The following RABGAP1 variants were observed in gnomAD, a reference collection of about 807,000 sequenced individuals.
RABGAP1 encodes RAB GTPase activating protein 1.
RABGAP1 carries 23 observed loss-of-function variants against 137.6 expected under a neutral mutation model. That is an observed-to-expected ratio of 0.17 (90% CI 0.12 to 0.24). RABGAP1 has a LOEUF of 0.24. RABGAP1 is among the 10% of genes least tolerant of loss of function. The pLI, the probability that RABGAP1 is intolerant of heterozygous loss-of-function variation, is 1.00. For missense variants in RABGAP1, 906 were observed against 1,275.8 expected, an observed-to-expected ratio of 0.71 and a Z score of 4.42; for synonymous variants, 451 against 450.7, an observed-to-expected ratio of 1.00 and a Z score of -0.01.
intron 14 of RABGAP1, among the ~76,000 whole-genome samples, chr9:123,067,652 G>A (rs546236364): frequency 6.6e-6 from 1 of 152,262 alleles, no homozygotes; most frequent in South Asian, 2.1e-4. Context: ...TGTCTTCAAG[G>A]GCAGGGATCA....
intron 10 of RABGAP1, among the ~76,000 whole-genome samples, chr9:123,005,169 G>A (rs2030119897): frequency 6.6e-6 from 1 of 151,566 alleles, no homozygotes; most frequent in Non-Finnish European, 1.5e-5. Context: ...GTTTCAGTAA[G>A]ATTATAAAAT....
At chr9:123,098,175 C>T (rs1200476999) in intron 22 of RABGAP1, among the ~76,000 whole-genome samples, 2 of 152,234 alleles carry the variant, frequency 1.3e-5, no homozygotes, top group Admixed American at 6.5e-5. Context: ...CCTCTGCTGT[C>T]TCCCTCATAG....
intron 13 of RABGAP1, among the ~76,000 whole-genome samples, chr9:123,036,570 AGGGT>A (rs1206671181): frequency 6.6e-6 from 1 of 152,194 alleles, no homozygotes; most frequent in Non-Finnish European, 1.5e-5. Flanking sequence ...ATCAGGGAGA[AGGGT>A]GTCGGTCATA....
At chr9:123,048,797 C>T (rs571934445) in intron 13 of RABGAP1, among the ~76,000 whole-genome samples, 1 of 152,294 alleles carries the variant, frequency 6.6e-6, no homozygotes, top group South Asian at 2.1e-4. Flanking sequence ...GTATTTCCTG[C>T]TTCTTGGGCC....
chr9:123,010,549 A>T, intron 11 of RABGAP1, 21 bp downstream of exon 11: 1 of 1,599,176 alleles, frequency 6.3e-7, no homozygotes, highest in East Asian at 2.2e-5. Context: ...GGGATAGCTT[A>T]ATTTATTTTT....
intron 13 of RABGAP1, chr9:123,034,216 T>C: frequency 3.4e-6 from 1 of 290,190 alleles, no homozygotes; most frequent in Non-Finnish European, 6.3e-6. Flanking sequence ...GCTCCTAATC[T>C]TCTTCCCTTC....
At chr9:122,972,238 G>A (rs891618163) in intron 2 of RABGAP1, among the ~76,000 whole-genome samples, 2 of 152,070 alleles carry the variant, frequency 1.3e-5, no homozygotes, top group Non-Finnish European at 2.9e-5. Context: ...AGACCAGCCT[G>A]GGCAACAACA....
At chr9:123,031,647 G>C (rs1479521714) in intron 13 of RABGAP1, among the ~76,000 whole-genome samples, 3 of 152,202 alleles carry the variant, frequency 2.0e-5, no homozygotes, top group Non-Finnish European at 4.4e-5. Context: ...TGGTGACTCA[G>C]AACTAAGTGC....
rs762911118 is a variant in RABGAP1 at position 123,076,656 on chromosome 9, T to C, written c.2318T>C (p.Leu773Ser). 3 of 1,602,872 alleles carry C rather than the reference T, an allele frequency of 1.9e-6. No individual in the cohort carries two copies. The highest frequency in any genetic ancestry group is 1.7e-6 in the Non-Finnish European group (2 of 1,175,194). The change falls in exon 19 of 26, where the codon TTG becomes TCG. Residue 773 changes from leucine to serine, a missense_variant. Physicochemically the swap from Leu to Ser is moderately radical, Grantham distance 145 (BLOSUM62 -2). This residue lies in a region of RABGAP1 where 77 missense variants were observed against 105.6 expected (regional missense o/e 0.73). Coordinates refer to ENST00000373647, the MANE Select transcript of RABGAP1 (RefSeq NM_012197.4). ...AAGACTTCGAAAGATGACCTGCTGTTGACAGACTTTGAAGGTGCCTTGAAG... is the reference window on the plus strand; with the variant it reads ...AAGACTTCGAAAGATGACCTGCTGTCGACAGACTTTGAAGGTGCCTTGAAG... The part of the protein sequence containing the change: ...LLKTSKDDLL[L>S]TDFEGALKFF...
intron 13 of RABGAP1, among the ~76,000 whole-genome samples, chr9:123,024,987 C>A (rs2031870623): frequency 1.3e-5 from 2 of 149,248 alleles, no homozygotes; most frequent in Non-Finnish European, 3.0e-5. Flanking sequence ...TTGGTTAAGA[C>A]CTCTTCTGTC....
At chr9:123,039,216 TGAGAA>T (rs929443881) in intron 13 of RABGAP1, among the ~76,000 whole-genome samples, 12 of 152,162 alleles carry the variant, frequency 7.9e-5, no homozygotes, top group African/African-American at 2.7e-4. Flanking sequence ...ATCCCAGACT[TGAGAA>T]GAGAAGCAAA....
At chr9:123,052,080 C>T (rs959651487) in intron 13 of RABGAP1, among the ~76,000 whole-genome samples, 1 of 151,642 alleles carries the variant, frequency 6.6e-6, no homozygotes, top group African/African-American at 2.4e-5. Flanking sequence ...ACTGGGATTA[C>T]AGGCGTGAGC....
At chr9:122,986,764 T>A (rs776151227) in intron 4 of RABGAP1, among the ~76,000 whole-genome samples, 2 of 152,182 alleles carry the variant, frequency 1.3e-5, no homozygotes, top group Non-Finnish European at 1.5e-5. Flanking sequence ...TGGAGTTTCA[T>A]GTTGAGTTTG....
chr9:123,090,191 ATTTAT>A lies in RABGAP1; in HGVS notation c.2518-80_2518-76del, dbSNP rs549655137. The A allele has an allele frequency of 1.0e-4, 106 of 1,038,862 alleles. No homozygotes were observed. The African/African-American group carries it at 1.5e-3, about 14-fold the overall frequency. 64.4% of individuals were successfully genotyped at this position (1,038,862 alleles called of 1,614,324 possible). ...CTTATTGTTTCCATAGGACTTAGAAATTTATTTTGAGGTTTAGCCCTGAGAAATTT... is the reference window on the plus strand; with the variant it reads ...CTTATTGTTTCCATAGGACTTAGAAATTTGAGGTTTAGCCCTGAGAAATTT... On this transcript the variant is annotated intron_variant, in intron 20 of 25. Coordinates refer to ENST00000373647, the MANE Select transcript of RABGAP1 (RefSeq NM_012197.4).
At chr9:123,012,897 C>G (rs1224087571) in intron 11 of RABGAP1, among the ~76,000 whole-genome samples, 2 of 152,190 alleles carry the variant, frequency 1.3e-5, no homozygotes, top group Admixed American at 6.5e-5. Flanking sequence ...GAAACCATTC[C>G]TGCTGTGATT....
At chr9:122,942,242 A>T (rs1400584645) in intron 1 of RABGAP1, among the ~76,000 whole-genome samples, 1 of 152,242 alleles carries the variant, frequency 6.6e-6, no homozygotes, top group Non-Finnish European at 1.5e-5. Flanking sequence ...ATGTTTGAAA[A>T]GTAGTTGGGA....
chr9:123,035,628 T>TA (rs1430389963), intron 13 of RABGAP1: 4 of 1,489,402 alleles, frequency 2.7e-6, no homozygotes, highest in Non-Finnish European at 3.6e-6. Flanking sequence ...GTGGCTCAGT[T>TA]ACGGGGTTCC....
intron 13 of RABGAP1, among the ~76,000 whole-genome samples, chr9:123,031,500 C>T (rs2032295584): frequency 6.6e-6 from 1 of 151,732 alleles, no homozygotes; most frequent in African/African-American, 2.4e-5. Flanking sequence ...GGATATTTAA[C>T]CAGACAGAAA....
At chr9:123,026,216 C>T (rs896906537) in intron 13 of RABGAP1, among the ~76,000 whole-genome samples, 15 of 151,858 alleles carry the variant, frequency 9.9e-5, no homozygotes, top group African/African-American at 3.6e-4. Flanking sequence ...CACAGCTACT[C>T]GGGAGCCTGA....
Sources: gnomAD v4.1 joint callset for allele counts (sites outside exome capture counted in the v4.1 genomes callset) on GRCh38, gnomAD v4.1.1 for gene constraint, gnomAD v4.1.1 regional missense constraint, MANE v1.5 for transcripts, NCBI Gene and HGNC (gene_info 2026-07-23, HGNC 2026-07-21) for gene names.